NEDD4L: variants seen among roughly 807,000 people sequenced by gnomAD.
The protein encoded by NEDD4L is E3 ubiquitin-protein ligase NEDD4-like.
NEDD4L carries 54 observed loss-of-function variants against 148.9 expected under a neutral mutation model. The observed-to-expected ratio is 0.36, with a 90% confidence interval of 0.29 to 0.45. The LOEUF (loss-of-function observed/expected upper bound fraction) is 0.45, where lower values mean the gene tolerates loss of function less well. Among genes scored for constraint, NEDD4L ranks in the 20% least tolerant of loss-of-function variants. The pLI is 1.00. For synonymous variants in NEDD4L, 433 were observed against 440.7 expected (o/e 0.98, Z 0.22); for missense variants, 856 against 1,233.8 (o/e 0.69, Z 4.59).
intron 1 of NEDD4L, among the ~76,000 whole-genome samples, chr18:58,100,869 C>T (rs891306959): frequency 2.0e-5 from 3 of 152,142 alleles, no homozygotes; most frequent in African/African-American, 4.8e-5. Context: ...TGCAGTGGTG[C>T]GAATATGGCT....
intron 2 of NEDD4L, among the ~76,000 whole-genome samples, chr18:58,183,894 G>A (rs2039129130): frequency 6.6e-6 from 1 of 152,178 alleles, no homozygotes; most frequent in African/African-American, 2.4e-5. Flanking sequence ...CTAAGGCCAG[G>A]CATGGTGGCT....
intron 2 of NEDD4L, among the ~76,000 whole-genome samples, chr18:58,228,972 C>T (rs1018023660): frequency 1.4e-4 from 21 of 152,162 alleles, no homozygotes; most frequent in African/African-American, 4.8e-4. Flanking sequence ...TGCAGATTCT[C>T]GAGGCGCGGC....
At chr18:58,077,339 G>T (rs1405830376) in intron 1 of NEDD4L, among the ~76,000 whole-genome samples, 2 of 151,646 alleles carry the variant, frequency 1.3e-5, no homozygotes, top group Non-Finnish European at 2.9e-5. Context: ...GCTAATTTTT[G>T]TATTTTTTAT....
chr18:58,278,880 TA>T (rs1461852250), intron 5 of NEDD4L, among the ~76,000 whole-genome samples: 5 of 152,290 alleles, frequency 3.3e-5, no homozygotes, highest in East Asian at 1.9e-4. Context: ...TTTATTTATT[TA>T]TTTTTTTTGG....
At chr18:58,361,928 C>T (rs1169405289) in intron 19 of NEDD4L, among the ~76,000 whole-genome samples, 2 of 151,696 alleles carry the variant, frequency 1.3e-5, no homozygotes, top group Non-Finnish European at 2.9e-5. Context: ...AGAAGCTGCA[C>T]TGGAAGGATG....
intron 16 of NEDD4L, among the ~76,000 whole-genome samples, chr18:58,348,471 A>G (rs1270298299): frequency 6.6e-6 from 1 of 151,404 alleles, no homozygotes; most frequent in Admixed American, 6.6e-5. Flanking sequence ...AGCTGGGACT[A>G]CAGGCACACA....
intron 17 of NEDD4L, among the ~76,000 whole-genome samples, chr18:58,350,140 A>C (rs1459932216): frequency 2.0e-5 from 3 of 152,126 alleles, no homozygotes; most frequent in African/African-American, 7.2e-5. Context: ...CTTCACATAC[A>C]TCCTCCTCAA....
At chr18:58,280,296 T>C (rs2052832789) in intron 5 of NEDD4L, among the ~76,000 whole-genome samples, 1 of 152,142 alleles carries the variant, frequency 6.6e-6, no homozygotes, top group South Asian at 2.1e-4. Flanking sequence ...TTCCACTGTC[T>C]GGCCCCATGC....
At chr18:58,348,401 G>A (rs767999730) in intron 16 of NEDD4L, among the ~76,000 whole-genome samples, 4 of 132,312 alleles carry the variant, frequency 3.0e-5, no homozygotes, top group Non-Finnish European at 4.6e-5. Context: ...GCACAATCTC[G>A]GCTCACTGCA....
intron 1 of NEDD4L, among the ~76,000 whole-genome samples, chr18:58,052,974 G>C (rs1195512212): frequency 6.6e-6 from 1 of 152,054 alleles, no homozygotes; most frequent in Non-Finnish European, 1.5e-5. Flanking sequence ...TCAAAAAAAA[G>C]CTGTGATGTG....
intron 5 of NEDD4L, among the ~76,000 whole-genome samples, chr18:58,295,996 G>A (rs9965313): frequency 0.022 from 3,411 of 152,188 alleles, 113 homozygotes; most frequent in African/African-American, 0.075. Flanking sequence ...GCTACTCCTG[G>A]TCTGTGGGCA....
At chr18:58,270,818 T>G (rs2050931305) in intron 5 of NEDD4L, among the ~76,000 whole-genome samples, 1 of 151,916 alleles carries the variant, frequency 6.6e-6, no homozygotes, top group Non-Finnish European at 1.5e-5. Context: ...GAAGTTTAGG[T>G]GTTTAGTCAA....
At chr18:58,094,342 G>A (rs184458267) in intron 1 of NEDD4L, among the ~76,000 whole-genome samples, 1 of 151,644 alleles carries the variant, frequency 6.6e-6, no homozygotes. Flanking sequence ...ATGCCACCCC[G>A]CCTGGCTAAT....
intron 5 of NEDD4L, chr18:58,255,888 C>T (rs888683081): frequency 7.3e-6 from 9 of 1,232,144 alleles, no homozygotes; most frequent in Non-Finnish European, 9.1e-6. Context: ...AGCATCGACG[C>T]CCGCCCCACG....
intron 2 of NEDD4L, among the ~76,000 whole-genome samples, chr18:58,233,383 AAAGGC>A (rs2045493626): frequency 6.6e-6 from 1 of 152,226 alleles, no homozygotes; most frequent in Admixed American, 6.5e-5. Flanking sequence ...GTAGAAGGCA[AAAGGC>A]ACATCTTACA....
intron 1 of NEDD4L, among the ~76,000 whole-genome samples, chr18:58,078,813 C>T (rs1414223290): frequency 6.6e-6 from 1 of 152,042 alleles, no homozygotes; most frequent in African/African-American, 2.4e-5. Context: ...TTGGTCAGTC[C>T]GTTTCCTGCT....
chr18:58,341,699 G>C lies in NEDD4L; in HGVS notation c.1279G>C (p.Gly427Arg), dbSNP rs141078303. ...ATAGCTTGCAGAAGATGGTGCGTCCGGATCAGCCACAAACAGTAACAACCA... is the reference window on the plus strand; with the variant it reads ...ATAGCTTGCAGAAGATGGTGCGTCCCGATCAGCCACAAACAGTAACAACCA... ...IMQLAEDGAS[G>R]SATNSNNHLI... The change falls in exon 15 of 31, where the codon GGA (glycine) becomes CGA (arginine). Residue 427 changes from glycine (G) to arginine (R), a missense_variant. Coordinates refer to ENST00000400345, the MANE Select transcript of NEDD4L (RefSeq NM_001144967.3). 1.2e-6 allele frequency: 2 copies of C among 1,613,562 alleles called. No homozygotes were observed. Among genetic ancestry groups the C allele is most frequent in the Admixed American group, 3.3e-5 (2 of 59,988 alleles).
chr18:58,094,386 C>T (rs1357203412), intron 1 of NEDD4L, among the ~76,000 whole-genome samples: 1 of 151,884 alleles, frequency 6.6e-6, no homozygotes, highest in East Asian at 1.9e-4. Context: ...GGGATTTCTC[C>T]ATGTTGCCCA....
At chr18:58,341,497 T>A (rs1324729247) in intron 14 of NEDD4L, among the ~76,000 whole-genome samples, 181 bp from the exon 15 acceptor site, 1 of 152,220 alleles carries the variant, frequency 6.6e-6, no homozygotes, top group Non-Finnish European at 1.5e-5. Context: ...TTCATTTTTA[T>A]TTCCCTTGAA....
Sources: gnomAD v4.1 joint callset for allele counts (sites outside exome capture counted in the v4.1 genomes callset) on GRCh38, gnomAD v4.1.1 for gene constraint, MANE v1.5 for transcripts, NCBI Gene and HGNC (gene_info 2026-07-23, HGNC 2026-07-21) for gene names.